The following RALGAPA1 variants were observed in gnomAD, a reference collection of about 807,000 sequenced individuals.
RALGAPA1 encodes the protein Ral GTPase activating protein catalytic subunit alpha 1, also known as ral GTPase-activating protein subunit alpha-1.
A neutral mutation model predicts 269.6 loss-of-function variants in RALGAPA1; 52 were observed. The observed-to-expected ratio is 0.19, with a 90% confidence interval of 0.15 to 0.24. The LOEUF (loss-of-function observed/expected upper bound fraction) is 0.24. RALGAPA1 is among the 10% of genes least tolerant of loss of function. The pLI is 1.00. For missense variants in RALGAPA1, 1,917 were observed against 3,013.9 expected (o/e 0.64, Z 8.52); for synonymous variants, 817 against 1,008.3 (o/e 0.81, Z 3.60).
chr14:35,790,280 A>C (rs2141762886), intron 1 of RALGAPA1, among the ~76,000 whole-genome samples: 1 of 152,044 alleles, frequency 6.6e-6, no homozygotes, highest in South Asian at 2.1e-4. Flanking sequence ...AAAAAAAAAG[A>C]AGTTAGAATT....
At chr14:35,573,505 G>T (rs1036499942) in intron 37 of RALGAPA1, among the ~76,000 whole-genome samples, 41 of 152,116 alleles carry the variant, frequency 2.7e-4, no homozygotes, top group Non-Finnish European at 5.0e-4. Flanking sequence ...ACGGCAGGTG[G>T]AAAGGTTTAG....
intron 26 of RALGAPA1, among the ~76,000 whole-genome samples, chr14:35,670,391 A>C (rs2064303756): frequency 6.6e-6 from 1 of 152,208 alleles, no homozygotes; most frequent in East Asian, 1.9e-4. Context: ...TTTTTCATTT[A>C]CACTTTGCTC....
intron 12 of RALGAPA1, among the ~76,000 whole-genome samples, chr14:35,735,603 G>T (rs1409849516): frequency 6.6e-6 from 1 of 152,036 alleles, no homozygotes; most frequent in Non-Finnish European, 1.5e-5. Context: ...CAAATAGGGT[G>T]CAGTGTATAC....
intron 33 of RALGAPA1, among the ~76,000 whole-genome samples, chr14:35,629,094 G>A (rs1007707474): frequency 8.5e-5 from 13 of 152,248 alleles, no homozygotes; most frequent in Middle Eastern, 3.4e-3. Context: ...GTTAAAGACC[G>A]CCATTCTAAG....
At chr14:35,781,629 C>T (rs1466044485) in intron 1 of RALGAPA1, among the ~76,000 whole-genome samples, 1 of 152,054 alleles carries the variant, frequency 6.6e-6, no homozygotes, top group Admixed American at 6.6e-5. Context: ...TACACACACA[C>T]TCACTATGAC....
chr14:35,697,061 A>G (rs1255772571), intron 17 of RALGAPA1, among the ~76,000 whole-genome samples: 2 of 151,944 alleles, frequency 1.3e-5, no homozygotes, highest in Admixed American at 1.3e-4. Flanking sequence ...TAACTCATAC[A>G]TTTTCTCTTA....
chr14:35,587,392 T>C (rs1377212892), intron 37 of RALGAPA1, among the ~76,000 whole-genome samples: 1 of 152,190 alleles, frequency 6.6e-6, no homozygotes, highest in Non-Finnish European at 1.5e-5. Context: ...GAAGTATAAA[T>C]CATGCTGCTG....
At chr14:35,669,374 C>T (rs192995354) in intron 26 of RALGAPA1, among the ~76,000 whole-genome samples, 3 of 152,244 alleles carry the variant, frequency 2.0e-5, no homozygotes, top group East Asian at 1.9e-4. Context: ...CCTGTGTCAG[C>T]CTCCCCAGTA....
intron 35 of RALGAPA1, 34 bp from the exon 36 acceptor site, chr14:35,605,743 C>A: frequency 6.3e-7 from 1 of 1,595,634 alleles, no homozygotes; most frequent in South Asian, 1.2e-5. Context: ...TTAATTTAAT[C>A]ACTATTTTAT....
rs1426052417 is a variant in RALGAPA1, at chr14:35,605,598, A to T, written c.7041T>A (p.Gly2347=). ...GSQAYEDFVA[G]LGWEVNLTNH... is the part of the protein sequence containing the mutation. ...TTAAAAATAATACCTCCCAACCAAG[A>T]CCAGCTACAAAATCTTCATATGCTT... The change falls in exon 36 of 42, where the codon GGT becomes GGA. Residue 2347 remains glycine, a synonymous_variant. Transcript: ENST00000680220. The T allele has an allele frequency of 6.2e-7, 1 of 1,601,630 alleles. No homozygotes were observed. Among genetic ancestry groups the T allele is most frequent in the South Asian group, 1.1e-5 (1 of 87,172 alleles).
At chr14:35,729,935 C>T (rs887358942) in intron 12 of RALGAPA1, among the ~76,000 whole-genome samples, 1 of 152,146 alleles carries the variant, frequency 6.6e-6, no homozygotes, top group East Asian at 1.9e-4. Flanking sequence ...TGTGGAGGCT[C>T]ATATCATGAA....
At chr14:35,595,505 G>T in intron 37 of RALGAPA1, 129 bp downstream of exon 37, 1 of 779,982 alleles carries the variant, frequency 1.3e-6, no homozygotes, top group Non-Finnish European at 2.2e-6. Flanking sequence ...TTTCAAGACA[G>T]CACTGGGTGG....
At chr14:35,746,882 C>T (rs376971567) in intron 10 of RALGAPA1, among the ~76,000 whole-genome samples, 43 of 148,656 alleles carry the variant, frequency 2.9e-4, no homozygotes, top group Middle Eastern at 3.4e-3. Context: ...AAAACTTATA[C>T]GATAACCACT....
intron 39 of RALGAPA1, among the ~76,000 whole-genome samples, chr14:35,568,321 T>A (rs1375416723): frequency 6.6e-6 from 1 of 152,136 alleles, no homozygotes; most frequent in Non-Finnish European, 1.5e-5. Flanking sequence ...GTAAGTATAA[T>A]GAAATTTTCC....
At chr14:35,546,510 TTA>T (rs2054474076) in intron 41 of RALGAPA1, among the ~76,000 whole-genome samples, 1 of 151,788 alleles carries the variant, frequency 6.6e-6, no homozygotes, top group Non-Finnish European at 1.5e-5. Context: ...CTGAATATAA[TTA>T]TGTTATAGGG....
chr14:35,653,100 G>A (rs1410817806), intron 30 of RALGAPA1, among the ~76,000 whole-genome samples: 1 of 152,118 alleles, frequency 6.6e-6, no homozygotes, highest in Admixed American at 6.5e-5. Flanking sequence ...ATGAACTTTG[G>A]AATCTTACAG....
chr14:35,739,190 A>G (rs918273877), intron 11 of RALGAPA1, among the ~76,000 whole-genome samples: 4 of 152,206 alleles, frequency 2.6e-5, no homozygotes, highest in Non-Finnish European at 5.9e-5. Flanking sequence ...TCCCTCAGTT[A>G]AAAAGTACAA....
In RALGAPA1 at chr14:35,807,628, T is replaced by C. The variant is rs145761948; in HGVS notation, c.106+1102A>G. Among the ~76,000 whole-genome samples the C allele has an allele frequency of 4.8e-3, 734 of 152,212 alleles. 7 individuals are homozygous for C. Among genetic ancestry groups the C allele is most frequent in the African/African-American group, 0.016 (680 of 41,540 alleles). On this transcript the variant is annotated intron_variant, in intron 1 of 41. Coordinates refer to ENST00000680220, the MANE Select transcript of RALGAPA1 (RefSeq NM_001346249.2). ...AGAATAATATCATCTACCTATAGAG[T>C]TATTGCAAGGATTATCATAATTTAC...
chr14:35,650,006 T>A (rs2062705952), intron 31 of RALGAPA1, among the ~76,000 whole-genome samples: 1 of 152,206 alleles, frequency 6.6e-6, no homozygotes. Flanking sequence ...CAAGTAGTTA[T>A]CCAGAAATTA....
Sources: allele counts gnomAD v4.1 joint callset (sites outside exome capture counted in the v4.1 genomes callset), GRCh38; gene constraint gnomAD v4.1.1; transcripts MANE v1.5; gene names NCBI Gene and HGNC (gene_info 2026-07-23, HGNC 2026-07-21).